FHIT: variants seen among roughly 807,000 people sequenced by gnomAD.
FHIT encodes the protein bis(5'-adenosyl)-triphosphatase.
In FHIT, 19 loss-of-function variants were observed where a neutral mutation model predicts 17.9. The ratio of observed to expected loss-of-function variants is 1.06; its 90% CI spans 0.74 to 1.56. The LOEUF (loss-of-function observed/expected upper bound fraction) is 1.56. FHIT is among the 40% of genes most tolerant of loss of function. The pLI is 0.00. For missense variants in FHIT, 248 were observed against 189.2 expected (o/e 1.31, Z -1.82); for synonymous variants, 81 against 69.7 (o/e 1.16, Z -0.81).
chr3:60,452,777 T>C (rs1405696080), intron 5 of FHIT, among the ~76,000 whole-genome samples: 5 of 152,194 alleles, frequency 3.3e-5, no homozygotes, highest in African/African-American at 1.2e-4. Context: ...TAAAATGGTC[T>C]TGAATCAATT....
At chr3:60,499,623 C>A (rs1298968829) in intron 5 of FHIT, among the ~76,000 whole-genome samples, 1 of 152,134 alleles carries the variant, frequency 6.6e-6, no homozygotes, top group African/African-American at 2.4e-5. Context: ...TCGTGATCCG[C>A]CCGCCTCGGC....
At chr3:60,022,025 G>C (rs553662851) in intron 5 of FHIT, among the ~76,000 whole-genome samples, 2 of 152,250 alleles carry the variant, frequency 1.3e-5, no homozygotes, top group South Asian at 4.2e-4. Flanking sequence ...ATAAGAAATA[G>C]TATGCAGCAC....
At chr3:59,825,286 T>A (rs760097123) in intron 8 of FHIT, among the ~76,000 whole-genome samples, 1 of 152,222 alleles carries the variant, frequency 6.6e-6, no homozygotes, top group Non-Finnish European at 1.5e-5. Context: ...TTTCAGACCT[T>A]GTCATTTTCT....
At chr3:60,921,785 A>G in intron 3 of FHIT, among the ~76,000 whole-genome samples, 1 of 152,278 alleles carries the variant, frequency 6.6e-6, no homozygotes, top group African/African-American at 2.4e-5. Flanking sequence ...AACAGACCCA[A>G]CAAGCCAGCC....
rs1049897870 is a variant in FHIT at position 60,263,943 on chromosome 3, T to C, written c.104-249791A>G. Among the ~76,000 whole-genome samples the C allele has an allele frequency of 2.0e-5, 3 of 151,904 alleles. No homozygotes were observed. In the East Asian group the frequency reaches 5.8e-4, roughly 29 times the overall value. ...TTTTTTTTTTTAAATGAAAAGATTT[T>C]AGATTTACGTTGAGAATTTTACCAA... is the stretch of plus-strand genomic sequence containing the variant. On this transcript the variant is annotated intron_variant, in intron 5 of 9. Transcript: ENST00000492590.
At chr3:60,626,364 G>C (rs191488598) in intron 4 of FHIT, among the ~76,000 whole-genome samples, 1 of 152,182 alleles carries the variant, frequency 6.6e-6, no homozygotes, top group East Asian at 1.9e-4. Context: ...AAAAAGTCTT[G>C]CCTTGTATTT....
chr3:59,857,079 C>G (rs1702188866), intron 8 of FHIT, among the ~76,000 whole-genome samples: 1 of 152,282 alleles, frequency 6.6e-6, no homozygotes, highest in Non-Finnish European at 1.5e-5. Context: ...GCTGATATTA[C>G]CAGCTGCTAT....
intron 5 of FHIT, among the ~76,000 whole-genome samples, chr3:60,500,889 G>C (rs1237395478): frequency 6.6e-6 from 1 of 151,362 alleles, no homozygotes; most frequent in Non-Finnish European, 1.5e-5. Flanking sequence ...TACAAGCCTT[G>C]ATTGGCTTCT....
intron 3 of FHIT, among the ~76,000 whole-genome samples, chr3:60,968,547 G>A (rs1403344395): frequency 2.0e-5 from 3 of 151,556 alleles, no homozygotes; most frequent in Non-Finnish European, 2.9e-5. Context: ...CGTGTAGCTG[G>A]GACTACAGGC....
chr3:60,775,457 C>T (rs1351571710), intron 4 of FHIT, among the ~76,000 whole-genome samples: 8 of 152,122 alleles, frequency 5.3e-5, no homozygotes, highest in African/African-American at 1.9e-4. Flanking sequence ...GGGAAGTGCT[C>T]TATCAGGGAC....
intron 4 of FHIT, among the ~76,000 whole-genome samples, chr3:60,632,750 T>A (rs1180978665): frequency 2.0e-5 from 3 of 152,180 alleles, no homozygotes; most frequent in Non-Finnish European, 2.9e-5. Context: ...TAAATAAATT[T>A]TCTAAAATTC....
chr3:61,217,023 T>A (rs1309466254), intron 1 of FHIT, among the ~76,000 whole-genome samples: 1 of 151,528 alleles, frequency 6.6e-6, no homozygotes, highest in Non-Finnish European at 1.5e-5. Context: ...AGGGATAGCA[T>A]TAGGAGATAT....
At chr3:60,320,905 A>G (rs1709396583) in intron 5 of FHIT, among the ~76,000 whole-genome samples, 2 of 152,196 alleles carry the variant, frequency 1.3e-5, no homozygotes, top group South Asian at 4.1e-4. Context: ...CCAAATCGTA[A>G]TGATCACTAT....
chr3:61,029,706 C>G (rs1164669536), intron 3 of FHIT, among the ~76,000 whole-genome samples: 2 of 152,144 alleles, frequency 1.3e-5, no homozygotes, highest in African/African-American at 4.8e-5. Flanking sequence ...TTATCAGAAG[C>G]AAAGGAATTT....
At chr3:60,128,569 G>T (rs1316645642) in intron 5 of FHIT, among the ~76,000 whole-genome samples, 2 of 152,166 alleles carry the variant, frequency 1.3e-5, no homozygotes, top group Admixed American at 6.5e-5. Flanking sequence ...GAATTCTGGG[G>T]CAAGTACCCA....
At chr3:60,241,472 T>C (rs72888276) in intron 5 of FHIT, among the ~76,000 whole-genome samples, 4,428 of 152,238 alleles carry the variant, frequency 0.029, 202 homozygotes, top group African/African-American at 0.1. Flanking sequence ...TTTATTTACA[T>C]GCATTTATTA....
chr3:60,475,422 T>G (rs1253616049), intron 5 of FHIT, among the ~76,000 whole-genome samples: 1 of 152,336 alleles, frequency 6.6e-6, no homozygotes, highest in African/African-American at 2.4e-5. Flanking sequence ...GATTGAATAC[T>G]GTGATTATTA....
At chr3:60,924,052 G>T (rs1248863033) in intron 3 of FHIT, among the ~76,000 whole-genome samples, 1 of 152,194 alleles carries the variant, frequency 6.6e-6, no homozygotes, top group Non-Finnish European at 1.5e-5. Context: ...GGTAAACAAA[G>T]CGGCCTGGAA....
intron 5 of FHIT, among the ~76,000 whole-genome samples, chr3:60,327,480 A>T (rs1709755239): frequency 6.6e-6 from 1 of 152,258 alleles, no homozygotes; most frequent in Non-Finnish European, 1.5e-5. Flanking sequence ...CTATGTTCTA[A>T]CAAAACATTA....
Sources: allele counts gnomAD v4.1 joint callset (sites outside exome capture counted in the v4.1 genomes callset), GRCh38; gene constraint gnomAD v4.1.1; transcripts MANE v1.5; gene names NCBI Gene and HGNC (gene_info 2026-07-23, HGNC 2026-07-21).